Variants in GASK1B observed in about 807,000 individuals in gnomAD.
The protein encoded by GASK1B is golgi associated kinase 1B, also known as Golgi-associated kinase 1B.
A neutral mutation model predicts 42.8 loss-of-function variants in GASK1B; 34 were observed. The ratio of observed to expected loss-of-function variants is 0.79; its 90% CI spans 0.60 to 1.06. The LOEUF (loss-of-function observed/expected upper bound fraction) is 1.06, where lower values mean the gene tolerates loss of function less well. Among genes scored for constraint, GASK1B ranks in the 50% least tolerant of loss-of-function variants. The pLI is 0.00. For missense variants in GASK1B, 686 were observed against 661.0 expected, an observed-to-expected ratio of 1.04 and a Z score of -0.42; for synonymous variants, 262 against 259.1, an observed-to-expected ratio of 1.01 and a Z score of -0.11.
At chr4:158,141,301 C>T (rs1202107872) in intron 3 of GASK1B, among the ~76,000 whole-genome samples, 1 of 151,754 alleles carries the variant, frequency 6.6e-6, no homozygotes, top group Non-Finnish European at 1.5e-5. Flanking sequence ...GTTATAATGA[C>T]CCATGTTCAT....
rs1347926825 is a variant in GASK1B, at chr4:158,170,452, T to A, written c.910+14A>T. 6.2e-7 allele frequency: 1 copy of A among 1,614,150 alleles called. No individual in the cohort carries two copies. On this transcript the variant is annotated intron_variant, in intron 2 of 4. Coordinates refer to ENST00000585682, the MANE Select transcript of GASK1B (RefSeq NM_001128424.2). Reference sequence around the variant, plus strand: ...CCCAACAGCTGCAAATAACGAAGCATGTGAATCTGTTACCTTGGATGAACT... The same window carrying A: ...CCCAACAGCTGCAAATAACGAAGCAAGTGAATCTGTTACCTTGGATGAACT...
chr4:158,153,526 A>G (rs1279444919), intron 3 of GASK1B, among the ~76,000 whole-genome samples: 2 of 152,190 alleles, frequency 1.3e-5, no homozygotes, highest in East Asian at 3.9e-4. Context: ...ACATAGAACC[A>G]AAACAGAGTC....
At position 158,125,246 on chromosome 4, in the gene GASK1B, A is replaced by G. The variant is rs965735448; in HGVS notation, c.*2161T>C. 1.3e-5 allele frequency: 2 copies of G among 152,196 alleles called. No individual in the cohort carries two copies. The highest frequency in any genetic ancestry group is 2.4e-5 in the African/African-American group (1 of 41,458). 9.4% of individuals were successfully genotyped at this position (152,196 alleles called of 1,614,324 possible). A position where few individuals can be genotyped will look rare whatever the true frequency, so the allele number is the denominator to read the frequency against. On this transcript the variant is annotated 3_prime_UTR_variant, in exon 5 of 5. Coordinates refer to ENST00000585682, the MANE Select transcript of GASK1B (RefSeq NM_001128424.2). ...AACATGTTCCTGGGACTTTCATTTA[A>G]TAAGCATTTTGGAATAACTGGAGGC... is the stretch of plus-strand genomic sequence containing the variant.
At chr4:158,138,730 T>C (rs1191643988) in intron 3 of GASK1B, among the ~76,000 whole-genome samples, 1 of 152,092 alleles carries the variant, frequency 6.6e-6, no homozygotes, top group Non-Finnish European at 1.5e-5. Context: ...TGGTTATGGT[T>C]AACAGAACCT....
chr4:158,125,959 T>C lies in GASK1B; in HGVS notation c.*1448A>G, dbSNP rs1730436228. The C allele has an allele frequency of 6.6e-6, 1 of 152,094 alleles. No individual in the cohort carries two copies. The highest frequency in any genetic ancestry group is 1.5e-5 in the Non-Finnish European group (1 of 68,002). The allele number at this position is 152,094 out of a possible 1,614,324, so 9.4% of individuals were successfully genotyped here. The stretch of plus-strand genomic sequence containing the variant: ...TTAGTAGTTCTCTTTCACACAGATA[T>C]TGAGTTAACCTTGACCAGAACAAAG... On this transcript the variant is annotated 3_prime_UTR_variant, in exon 5 of 5. Transcript: ENST00000585682.
chr4:158,167,719 A>G (rs1732281107), intron 2 of GASK1B, among the ~76,000 whole-genome samples: 1 of 152,210 alleles, frequency 6.6e-6, no homozygotes, highest in Non-Finnish European at 1.5e-5. Flanking sequence ...AAATGATTAT[A>G]ATACAAATAT....
chr4:158,131,102 T>C (rs1730666790), intron 3 of GASK1B, 90 bp from the exon 4 acceptor site: 1 of 1,083,716 alleles, frequency 9.2e-7, no homozygotes, highest in Admixed American at 2.4e-5. Flanking sequence ...GCTTTCTGAA[T>C]AGCTGACTTG....
chr4:158,170,341 G>T (rs1387446964), intron 2 of GASK1B, 125 bp downstream of exon 2: 2 of 1,614,198 alleles, frequency 1.2e-6, no homozygotes, highest in South Asian at 2.2e-5. Flanking sequence ...ACACGCTGCT[G>T]CTGCTGCTGT....
At chr4:158,134,786 T>C (rs1449874195) in intron 3 of GASK1B, among the ~76,000 whole-genome samples, 4 of 152,294 alleles carry the variant, frequency 2.6e-5, no homozygotes, top group African/African-American at 9.6e-5. Context: ...AAGCATCTCA[T>C]GAGTGATTCG....
chr4:158,139,339 T>C (rs1560779575), intron 3 of GASK1B, among the ~76,000 whole-genome samples: 1 of 152,218 alleles, frequency 6.6e-6, no homozygotes, highest in Non-Finnish European at 1.5e-5. Context: ...AAAGAACGCA[T>C]ACCAGCTCCA....
At chr4:158,147,628 A>T (rs1287714627) in intron 3 of GASK1B, among the ~76,000 whole-genome samples, 3 of 151,824 alleles carry the variant, frequency 2.0e-5, no homozygotes, top group South Asian at 2.1e-4. Flanking sequence ...AAAAAAAATT[A>T]AATTTAAATT....
rs769093083 is a variant in GASK1B at position 158,170,805 on chromosome 4, C to A, written c.571G>T (p.Gly191Trp). ...RLVRGPGVRA[G>W]GPDFLQPSSR... is the part of the protein sequence containing the mutation. ...CTGGGCTGCAGGAAGTCTGGGCCCC[C>A]GGCTCGCACTCCCGGACCCCGCACC... The change falls in exon 2 of 5, where the codon GGG (glycine) becomes TGG (tryptophan). Residue 191 changes from glycine to tryptophan, a missense_variant. Gly to Trp is a radical substitution (Grantham distance 184, BLOSUM62 -2). Coordinates refer to ENST00000585682, the MANE Select transcript of GASK1B (RefSeq NM_001128424.2). 3 of 1,614,186 alleles carry A rather than the reference C, an allele frequency of 1.9e-6. No individual in the cohort carries two copies. Among genetic ancestry groups the A allele is most frequent in the Non-Finnish European group, 2.5e-6 (3 of 1,180,026 alleles).
chr4:158,163,643 T>C (rs1732117600), intron 2 of GASK1B, among the ~76,000 whole-genome samples: 1 of 152,178 alleles, frequency 6.6e-6, no homozygotes, highest in Non-Finnish European at 1.5e-5. Flanking sequence ...CATTTCATTC[T>C]CATGACAACT....
chr4:158,140,298 T>TA (rs1327420217), intron 3 of GASK1B, among the ~76,000 whole-genome samples: 1 of 152,210 alleles, frequency 6.6e-6, no homozygotes, highest in Non-Finnish European at 1.5e-5. Context: ...AAGCTCCATA[T>TA]ATCTCTTAGT....
intron 3 of GASK1B, among the ~76,000 whole-genome samples, chr4:158,146,476 G>A (rs1731334617): frequency 6.6e-6 from 1 of 152,006 alleles, no homozygotes; most frequent in African/African-American, 2.4e-5. Flanking sequence ...CTTATTGAGT[G>A]CCTACCATGT....
At chr4:158,161,969 C>T (rs1474167687) in intron 2 of GASK1B, among the ~76,000 whole-genome samples, 1 of 152,110 alleles carries the variant, frequency 6.6e-6, no homozygotes, top group Non-Finnish European at 1.5e-5. Context: ...CTCCACTTAC[C>T]ACAGCTTAAC....
At chr4:158,163,002 C>G (rs1403418821) in intron 2 of GASK1B, among the ~76,000 whole-genome samples, 1 of 152,178 alleles carries the variant, frequency 6.6e-6, no homozygotes, top group Admixed American at 6.5e-5. Context: ...CTTTCATCCT[C>G]AGTTTCCCCT....
intron 4 of GASK1B, among the ~76,000 whole-genome samples, chr4:158,129,164 T>C (rs1260926140): frequency 2.6e-5 from 4 of 152,192 alleles, no homozygotes; most frequent in Non-Finnish European, 5.9e-5. Flanking sequence ...TTCAAACCCA[T>C]TACTCCTCAT....
chr4:158,151,405 C>G (rs1455589666), intron 3 of GASK1B, among the ~76,000 whole-genome samples: 1 of 152,150 alleles, frequency 6.6e-6, no homozygotes, highest in Non-Finnish European at 1.5e-5. Flanking sequence ...CCAACAAATC[C>G]CAGCTCCAGC....
Sources: allele counts gnomAD v4.1 joint callset (sites outside exome capture counted in the v4.1 genomes callset), GRCh38; gene constraint gnomAD v4.1.1; transcripts MANE v1.5; gene names NCBI Gene and HGNC (gene_info 2026-07-23, HGNC 2026-07-21).